Variants in SETD1A observed in about 807,000 individuals in gnomAD.
SETD1A encodes histone-lysine N-methyltransferase SETD1A.
SETD1A carries 29 observed loss-of-function variants against 149.9 expected under a neutral mutation model. That is an observed-to-expected ratio of 0.19 (90% CI 0.14 to 0.26). SETD1A has a LOEUF of 0.26. Ranked by LOEUF, SETD1A falls within the 10% of genes least tolerant of loss-of-function variation. SETD1A has a pLI of 1.00. For synonymous variants in SETD1A, 1,141 were observed against 968.5 expected, an observed-to-expected ratio of 1.18 and a Z score of -3.31; for missense variants, 2,109 against 2,353.1, an observed-to-expected ratio of 0.90 and a Z score of 2.15.
chr16:30,971,631 A>G lies in SETD1A; in HGVS notation c.3270A>G (p.Ala1090=), dbSNP rs748908955. ...PPREVPVPTP[A]PVEVPVPERV... ...GAGAAGTCCCAGTGCCCACGCCAGCACCTGTGGAGGTGCCAGTGCCGGAAA... is the reference window on the plus strand; with the variant it reads ...GAGAAGTCCCAGTGCCCACGCCAGCGCCTGTGGAGGTGCCAGTGCCGGAAA... The change falls in exon 13 of 19, where the codon GCA becomes GCG. Residue 1090 remains alanine, a synonymous_variant. Coordinates refer to ENST00000262519, the MANE Select transcript of SETD1A (RefSeq NM_014712.3). The G allele has an allele frequency of 3.1e-6, 5 of 1,613,062 alleles. No individual in the cohort carries two copies. Among genetic ancestry groups the G allele is most frequent in the Middle Eastern group, 1.6e-4 (1 of 6,080 alleles).
Position 30,971,692 on chromosome 16 carries a change from C to G in SETD1A, c.3331C>G (p.Gln1111Glu). The G allele has an allele frequency of 6.3e-7, 1 of 1,581,840 alleles. No individual in the cohort carries two copies. Among genetic ancestry groups the G allele is most frequent in the Non-Finnish European group, 8.6e-7 (1 of 1,160,192 alleles). ...CTCCCCAGTCACACCCCTGCCCGAA[C>G]AGGAGGCGTCTCCAGCAAGGCCTGC... Reference protein sequence around the residue: ...AGSPVTPLPEQEASPARPAGP... With the variant: ...AGSPVTPLPEEEASPARPAGP... The change falls in exon 13 of 19, where the codon CAG (glutamine) becomes GAG (glutamate). Residue 1111 changes from glutamine to glutamate, a missense_variant. By Grantham distance (29) the Gln-to-Glu change is conservative (BLOSUM62 2). Around this residue, in one of 8 missense-constraint regions of SETD1A, gnomAD observed 832 missense variants for 815.6 expected, o/e 1.02. Coordinates refer to ENST00000262519, the MANE Select transcript of SETD1A (RefSeq NM_014712.3).
Position 30,971,444 on chromosome 16 carries a change from A to G in SETD1A, c.3083A>G (p.Asp1028Gly), listed in dbSNP as rs144841302. The G allele has an allele frequency of 1.9e-5, 30 of 1,613,170 alleles. No homozygotes were observed. Among genetic ancestry groups the G allele is most frequent in the Non-Finnish European group, 2.5e-5 (29 of 1,179,434 alleles). ...SLYADSDGENDSTSDSESSSS... is the reference protein window; with the variant it reads ...SLYADSDGENGSTSDSESSSS... Reference sequence around the variant, plus strand: ...TATGCTGACTCAGATGGCGAAAATGACAGCACATCAGACTCCGAGAGCAGC... The same window carrying G: ...TATGCTGACTCAGATGGCGAAAATGGCAGCACATCAGACTCCGAGAGCAGC... Residue 1028 changes from aspartate to glycine, a missense_variant, in exon 13 of 19, where the codon GAC becomes GGC. By Grantham distance (94) the Asp-to-Gly change is moderately conservative. This residue lies in a region of SETD1A where 832 missense variants were observed against 815.6 expected (regional missense o/e 1.02). Coordinates refer to ENST00000262519, the MANE Select transcript of SETD1A (RefSeq NM_014712.3).
chr16:30,980,861 C>A lies in SETD1A; in HGVS notation c.4692+12C>A, dbSNP rs760531303. 2.9e-6 allele frequency: 2 copies of A among 688,324 alleles called. No individual in the cohort carries two copies. The highest frequency in any genetic ancestry group is 1.4e-5 in the South Asian group (1 of 72,048). The allele number at this position is 688,324 out of a possible 1,614,324, so 42.6% of individuals were successfully genotyped here. On this transcript the variant is annotated intron_variant, in intron 16 of 18. Transcript: ENST00000262519. This position sits in a 1 kb window ranked among gnomAD's most constrained non-coding sequence, Gnocchi z 7.7. ...TCAACCAGCTCAAGGTGAGGCTGGG[C>A]TGCAGGAGGGGCTGGGTGGGGTGGG...
At chr16:30,979,064 C>T (rs1420191313) in intron 13 of SETD1A, 81 bp from the exon 14 acceptor site, 13 of 1,391,204 alleles carry the variant, frequency 9.3e-6, no homozygotes, top group African/African-American at 2.9e-5. Context: ...GGAGAGCACA[C>T]AGCCTGTGGT....
chr16:30,982,037 C>T (rs1292046815), intron 17 of SETD1A, among the ~76,000 whole-genome samples: 1 of 152,128 alleles, frequency 6.6e-6, no homozygotes, highest in Non-Finnish European at 1.5e-5. Flanking sequence ...GAACACACAC[C>T]TGGGGGGCCT....
At chr16:30,963,703 G>C in intron 5 of SETD1A, 149 bp downstream of exon 5, 1 of 905,740 alleles carries the variant, frequency 1.1e-6, no homozygotes, top group Non-Finnish European at 1.6e-6. Flanking sequence ...AAAAGACAGG[G>C]AACTAGGGGC....
At chr16:30,964,064 C>A (rs564538189) in intron 5 of SETD1A, 30 bp from the exon 6 acceptor site, 6 of 1,577,368 alleles carry the variant, frequency 3.8e-6, no homozygotes, top group Non-Finnish European at 4.3e-6. Flanking sequence ...GAGCCCATTC[C>A]TCTCTCCTTG....
chr16:30,966,503 C>T, intron 8 of SETD1A, 117 bp downstream of exon 8: 1 of 1,434,610 alleles, frequency 7.0e-7, no homozygotes, highest in Non-Finnish European at 9.2e-7. Flanking sequence ...TGGAGAGAGG[C>T]CGCAGGCCCT....
intron 3 of SETD1A, among the ~76,000 whole-genome samples, 179 bp downstream of exon 3, chr16:30,959,365 G>A (rs1468118626): frequency 6.6e-6 from 1 of 152,222 alleles, no homozygotes; most frequent in African/African-American, 2.4e-5. Flanking sequence ...CCAGAAAGGT[G>A]CAGGTCAGGT....
chr16:30,979,380 G>A lies in SETD1A; in HGVS notation c.3594G>A (p.Lys1198=). ...AGTTTCCCGGCCCAGCCTCCCGCAA[G>A]GCTCCCCGGGGCGTGGAGCGGACCA... ...QAKFPGPASR[K]APRGVERTIR... is the part of the protein sequence containing the mutation. The change falls in exon 14 of 19, where the codon AAG becomes AAA. Residue 1198 remains lysine (K), a synonymous_variant. Coordinates refer to ENST00000262519, the MANE Select transcript of SETD1A (RefSeq NM_014712.3). The A allele has an allele frequency of 6.2e-7, 1 of 1,612,312 alleles. No homozygotes were observed.
At position 30,980,725 on chromosome 16, in the gene SETD1A, C is replaced by T. The variant is rs375150698; in HGVS notation, c.4582-14C>T. 8.8e-5 allele frequency: 142 copies of T among 1,611,764 alleles called. 1 individual carries two copies. The South Asian group carries it at 1.1e-3, about 12-fold the overall frequency. Reference sequence around the variant, plus strand: ...CCTGCCCTGCTCACCTCCTCCCTGCCGTGTGTCTCACAGGGGACGAACCGC... The same window carrying T: ...CCTGCCCTGCTCACCTCCTCCCTGCTGTGTGTCTCACAGGGGACGAACCGC... On this transcript the variant is annotated splice_polypyrimidine_tract_variant and intron_variant, in intron 15 of 18. Coordinates refer to ENST00000262519, the MANE Select transcript of SETD1A (RefSeq NM_014712.3). The surrounding 1 kb of genome is among the most constrained non-coding windows in gnomAD (Gnocchi z 7.7).
rs371017536 is a variant in SETD1A at position 30,983,825 on chromosome 16, G to T, written c.4951-25G>T. On this transcript the variant is annotated intron_variant, in intron 18 of 18. Transcript: ENST00000262519. The surrounding 1 kb of genome is among the most constrained non-coding windows in gnomAD (Gnocchi z 6.8). ...GTTGGGGGTCGGTGGGGGTGGCCAC[G>T]GCTCACACGCCCTTCCATCCGCAGC... 6.2e-7 allele frequency: 1 copy of T among 1,610,774 alleles called. No homozygotes were observed. The highest frequency in any genetic ancestry group is 1.1e-5 in the South Asian group (1 of 90,778).
At position 30,984,143 on chromosome 16, in the gene SETD1A, G is replaced by T; in HGVS notation, c.*120G>T. 2 of 1,012,932 alleles carry T rather than the reference G, an allele frequency of 2.0e-6. No individual in the cohort carries two copies. The highest frequency in any genetic ancestry group is 3.0e-5 in the Admixed American group (1 of 32,970). 62.7% of individuals were successfully genotyped at this position (1,012,932 alleles called of 1,614,324 possible). A position where few individuals can be genotyped will look rare whatever the true frequency, so the allele number is the denominator to read the frequency against. Reference sequence around the variant, plus strand: ...ACATGCCCCCATCTCCAAGCGTGGGGTTGGGGGCCCCAAGCCCAGCGAGGG... The same window carrying T: ...ACATGCCCCCATCTCCAAGCGTGGGTTTGGGGGCCCCAAGCCCAGCGAGGG... On this transcript the variant is annotated 3_prime_UTR_variant, in exon 19 of 19. Coordinates refer to ENST00000262519, the MANE Select transcript of SETD1A (RefSeq NM_014712.3).
chr16:30,980,212 G>C lies in SETD1A; in HGVS notation c.4408+18G>C. 6.3e-7 allele frequency: 1 copy of C among 1,576,480 alleles called. No homozygotes were observed. The highest frequency in any genetic ancestry group is 8.6e-7 in the Non-Finnish European group (1 of 1,159,532). On this transcript the variant is annotated intron_variant, in intron 14 of 18. Transcript: ENST00000262519. The surrounding 1 kb of genome is among the most constrained non-coding windows in gnomAD (Gnocchi z 7.7). Reference sequence around the variant, plus strand: ...TCACACAAATATCCTGAGTGTGGGCGGCCTTCCCCGGGCTTGGGTCCTCCC... The same window carrying C: ...TCACACAAATATCCTGAGTGTGGGCCGCCTTCCCCGGGCTTGGGTCCTCCC...
chr16:30,961,627 T>G lies in SETD1A; in HGVS notation c.517+90T>G, dbSNP rs575148234. On this transcript the variant is annotated intron_variant, in intron 4 of 18. Coordinates refer to ENST00000262519, the MANE Select transcript of SETD1A (RefSeq NM_014712.3). The surrounding 1 kb of genome is among the most constrained non-coding windows in gnomAD (Gnocchi z 4.0). ...GTCAGGGTCAGGCAGGCGCCCAGGG[T>G]CATGATCTGAAACTGCTGGGGCCAG... The G allele has an allele frequency of 1.6e-6, 2 of 1,267,458 alleles. No homozygotes were observed. The highest frequency in any genetic ancestry group is 2.3e-5 in the Admixed American group (1 of 44,394). The allele number at this position is 1,267,458 out of a possible 1,614,324, so 78.5% of individuals were successfully genotyped here.
intron 7 of SETD1A, 47 bp from the exon 8 acceptor site, chr16:30,965,554 G>T: frequency 6.3e-7 from 1 of 1,599,914 alleles, no homozygotes; most frequent in Non-Finnish European, 8.5e-7. Context: ...AGAAAGTAGG[G>T]CTTGGGTCAG....
At chr16:30,960,511 A>G (rs2056036347) in intron 3 of SETD1A, among the ~76,000 whole-genome samples, 1 of 152,124 alleles carries the variant, frequency 6.6e-6, no homozygotes, top group Non-Finnish European at 1.5e-5. Flanking sequence ...TGGGCTCCAG[A>G]ACACCATGTA....
Position 30,966,405 on chromosome 16 carries a change from A to G in SETD1A, c.2505+19A>G. ...GGCCAAGGTGAGGCCAGCGCCTGGGACCGGGGAGCCCTGGGCTTTGCAGGA... is the reference window on the plus strand; with the variant it reads ...GGCCAAGGTGAGGCCAGCGCCTGGGGCCGGGGAGCCCTGGGCTTTGCAGGA... On this transcript the variant is annotated intron_variant, in intron 8 of 18. Coordinates refer to ENST00000262519, the MANE Select transcript of SETD1A (RefSeq NM_014712.3). The G allele has an allele frequency of 6.3e-7, 1 of 1,586,470 alleles. No individual in the cohort carries two copies. The highest frequency in any genetic ancestry group is 1.3e-5 in the African/African-American group (1 of 74,480).
Position 30,982,938 on chromosome 16 carries a change from G to T in SETD1A, c.4813-697G>T, listed in dbSNP as rs1449546002. ...TGTGAGGAGGAAGAACAAATATATG[G>T]TCAAGATGAGCTCCAGTCTGGACAT... On this transcript the variant is annotated intron_variant, in intron 17 of 18. Coordinates refer to ENST00000262519, the MANE Select transcript of SETD1A (RefSeq NM_014712.3). Among the ~76,000 whole-genome samples the T allele has an allele frequency of 4.0e-4, 61 of 152,188 alleles. 1 individual carries two copies. Among genetic ancestry groups the T allele is most frequent in the Non-Finnish European group, 5.9e-5 (4 of 68,040 alleles).
Sources: allele counts gnomAD v4.1 joint callset (sites outside exome capture counted in the v4.1 genomes callset), GRCh38; gene constraint gnomAD v4.1.1; regional missense constraint gnomAD v4.1.1; non-coding constraint Gnocchi (gnomAD v3.1); transcripts MANE v1.5; gene names NCBI Gene and HGNC (gene_info 2026-07-23, HGNC 2026-07-21).